DCC: variants seen among roughly 807,000 people sequenced by gnomAD.
The protein encoded by DCC is netrin receptor DCC.
In DCC, 58 loss-of-function variants were observed where a neutral mutation model predicts 172.5. That is an observed-to-expected ratio of 0.34 (90% CI 0.27 to 0.42). The LOEUF (loss-of-function observed/expected upper bound fraction) is 0.42. Among genes scored for constraint, DCC ranks in the 10% least tolerant of loss-of-function variants. The pLI, the probability that DCC is intolerant of heterozygous loss-of-function variation, is 1.00. For synonymous variants in DCC, 709 were observed against 644.5 expected, an observed-to-expected ratio of 1.10 and a Z score of -1.52; for missense variants, 1,740 against 1,791.0, an observed-to-expected ratio of 0.97 and a Z score of 0.51.
At chr18:52,580,647 A>G (rs2033524119) in intron 1 of DCC, among the ~76,000 whole-genome samples, 1 of 152,188 alleles carries the variant, frequency 6.6e-6, no homozygotes, top group Non-Finnish European at 1.5e-5. Context: ...GCTTAGAAAG[A>G]CTATGGATGC....
chr18:52,572,769 A>G (rs1451804344), intron 1 of DCC, among the ~76,000 whole-genome samples: 1 of 152,196 alleles, frequency 6.6e-6, no homozygotes, highest in East Asian at 1.9e-4. Context: ...TGGGAGTGAT[A>G]TAAAGTGCGG....
chr18:53,058,508 C>A (rs1347290235), intron 5 of DCC, among the ~76,000 whole-genome samples: 2 of 151,986 alleles, frequency 1.3e-5, no homozygotes, highest in Admixed American at 6.6e-5. Context: ...GACTCCAGAG[C>A]TGTGAATAGT....
chr18:53,066,129 T>A lies in DCC; in HGVS notation c.1224T>A (p.Asn408Lys). ...GTGTGGCTGAAAATGAGGCTGGAAA[T>A]GCCCAGACCAGTGCACAGCTCATTG... ...YQCVAENEAG[N>K]AQTSAQLIVP... Residue 408 changes from asparagine (N) to lysine (K), a missense_variant, in exon 7 of 29, where the codon AAT becomes AAA. By Grantham distance (94) the Asn-to-Lys change is moderately conservative. This residue lies in a region of DCC where 1,732 missense variants were observed against 1,767.4 expected (regional missense o/e 0.98). Coordinates refer to ENST00000442544, the MANE Select transcript of DCC (RefSeq NM_005215.4). The A allele has an allele frequency of 6.2e-7, 1 of 1,613,398 alleles. No individual in the cohort carries two copies. The highest frequency in any genetic ancestry group is 8.5e-7 in the Non-Finnish European group (1 of 1,179,594).
intron 5 of DCC, among the ~76,000 whole-genome samples, chr18:53,046,279 TG>T (rs2042236261): frequency 6.6e-6 from 1 of 151,916 alleles, no homozygotes; most frequent in Non-Finnish European, 1.5e-5. Flanking sequence ...TCACTTTCTG[TG>T]ATTTTCATGA....
At chr18:53,330,537 G>T (rs2057519166) in intron 14 of DCC, among the ~76,000 whole-genome samples, 1 of 152,060 alleles carries the variant, frequency 6.6e-6, no homozygotes, top group African/African-American at 2.4e-5. Flanking sequence ...CTCCTCTCTA[G>T]ACCCCATAGT....
chr18:53,290,518 G>T (rs368999435), intron 12 of DCC, among the ~76,000 whole-genome samples: 1 of 151,966 alleles, frequency 6.6e-6, no homozygotes, highest in Non-Finnish European at 1.5e-5. Context: ...ATGGTACATC[G>T]TGTCTTTGAG....
intron 2 of DCC, among the ~76,000 whole-genome samples, chr18:52,784,934 G>GGGAGA (rs536041160): frequency 7.1e-6 from 1 of 141,446 alleles, no homozygotes; most frequent in Non-Finnish European, 1.5e-5. Flanking sequence ...AGAGAAGGGG[G>GGGAGA]GAGAGAGAGA....
intron 15 of DCC, among the ~76,000 whole-genome samples, chr18:53,380,628 G>T (rs953785015): frequency 6.6e-6 from 1 of 152,078 alleles, no homozygotes; most frequent in Admixed American, 6.6e-5. Context: ...ATAAAAGAAA[G>T]CTCCTGGAAA....
intron 20 of DCC, 110 bp from the exon 21 acceptor site, chr18:53,416,014 G>A: frequency 1.3e-6 from 1 of 761,802 alleles, no homozygotes; most frequent in Non-Finnish European, 2.4e-6. Context: ...TTTCAAGAGG[G>A]CACTAGCTTT....
intron 1 of DCC, among the ~76,000 whole-genome samples, chr18:52,525,845 C>A (rs2031965804): frequency 6.6e-6 from 1 of 152,126 alleles, no homozygotes; most frequent in Non-Finnish European, 1.5e-5. Context: ...ATGATGAATC[C>A]TCCATTAACT....
At chr18:53,175,937 G>C (rs2055085960) in intron 8 of DCC, among the ~76,000 whole-genome samples, 1 of 152,192 alleles carries the variant, frequency 6.6e-6, no homozygotes, top group East Asian at 1.9e-4. Context: ...ATACCACAAG[G>C]CTACAGTAAC....
intron 1 of DCC, among the ~76,000 whole-genome samples, chr18:52,670,469 T>G (rs1187575823): frequency 6.6e-6 from 1 of 152,204 alleles, no homozygotes; most frequent in Non-Finnish European, 1.5e-5. Context: ...GTTGAGAAAA[T>G]TATTAAATGT....
At chr18:52,355,700 T>C (rs1984332297) in intron 1 of DCC, among the ~76,000 whole-genome samples, 1 of 152,052 alleles carries the variant, frequency 6.6e-6, no homozygotes, top group African/African-American at 2.4e-5. Context: ...AACAAAATGG[T>C]TGGAGGAATA....
chr18:52,538,514 G>T (rs139008846), intron 1 of DCC, among the ~76,000 whole-genome samples: 3 of 152,104 alleles, frequency 2.0e-5, no homozygotes, highest in South Asian at 4.2e-4. Context: ...GCCACATTTT[G>T]TCTCTATTAT....
intron 7 of DCC, among the ~76,000 whole-genome samples, chr18:53,112,231 G>A (rs1446645292): frequency 6.6e-6 from 1 of 151,226 alleles, no homozygotes; most frequent in African/African-American, 2.4e-5. Flanking sequence ...AAAATACTTA[G>A]CCTTTATATT....
chr18:52,558,238 TTTA>T (rs1186911667), intron 1 of DCC, among the ~76,000 whole-genome samples: 9 of 151,682 alleles, frequency 5.9e-5, no homozygotes, highest in African/African-American at 9.6e-5. Flanking sequence ...GTAAATAACA[TTTA>T]TTATTAATAT....
chr18:52,825,005 A>G (rs1246676286), intron 2 of DCC, among the ~76,000 whole-genome samples: 1 of 149,410 alleles, frequency 6.7e-6, no homozygotes. Context: ...GACCAGGGAT[A>G]TCTCCCTTCT....
intron 17 of DCC, among the ~76,000 whole-genome samples, chr18:53,396,983 G>T (rs767060147): frequency 4.6e-5 from 7 of 151,610 alleles, no homozygotes; most frequent in Non-Finnish European, 8.8e-5. Flanking sequence ...TTTATAAGAG[G>T]CATAGTCTCA....
intron 22 of DCC, among the ~76,000 whole-genome samples, chr18:53,448,382 AG>A (rs1912761319): frequency 6.6e-6 from 1 of 152,156 alleles, no homozygotes; most frequent in East Asian, 1.9e-4. Context: ...GCTGAGCAAA[AG>A]GGGGGAAAGG....
Sources: gnomAD v4.1 joint callset for allele counts (sites outside exome capture counted in the v4.1 genomes callset) on GRCh38, gnomAD v4.1.1 for gene constraint, gnomAD v4.1.1 regional missense constraint, MANE v1.5 for transcripts, NCBI Gene and HGNC (gene_info 2026-07-23, HGNC 2026-07-21) for gene names.